CFAP299: variants seen among roughly 807,000 people sequenced by gnomAD.
CFAP299 encodes cilia and flagella associated protein 299.
Under a neutral mutation model 27.0 loss-of-function variants are expected in CFAP299, and 21 were observed. The observed-to-expected ratio is 0.78, with a 90% CI of 0.55 to 1.12. CFAP299 has a LOEUF of 1.12. Ranked by LOEUF, CFAP299 falls within the 50% of genes most tolerant of loss-of-function variation. The pLI is 0.00. For missense variants in CFAP299, 310 were observed against 276.6 expected (o/e 1.12, Z -0.86); for synonymous variants, 104 against 98.1 (o/e 1.06, Z -0.36).
intron 3 of CFAP299, among the ~76,000 whole-genome samples, chr4:80,596,513 A>G (rs1023582970): frequency 6.6e-6 from 1 of 151,828 alleles, no homozygotes; most frequent in Admixed American, 6.6e-5. Context: ...AATTTCTTTA[A>G]TCACTCTTTA....
chr4:80,871,678 C>CTA, intron 4 of CFAP299: 2 of 967,386 alleles, frequency 2.1e-6, no homozygotes, highest in Non-Finnish European at 2.5e-6. Context: ...ATTCTATTAT[C>CTA]TTAGCAGCTT....
chr4:80,737,844 T>C (rs1724002572), intron 3 of CFAP299, among the ~76,000 whole-genome samples: 3 of 152,250 alleles, frequency 2.0e-5, no homozygotes, highest in African/African-American at 7.2e-5. Flanking sequence ...ATGTTTCTTC[T>C]TTTTAAAAGT....
At chr4:80,750,114 TGTA>T (rs1382639162) in intron 3 of CFAP299, among the ~76,000 whole-genome samples, 3 of 152,204 alleles carry the variant, frequency 2.0e-5, no homozygotes. Context: ...TGATTTTTAA[TGTA>T]GTATAGTTTA....
At chr4:80,420,725 CT>C in intron 2 of CFAP299, among the ~76,000 whole-genome samples, 1 of 152,244 alleles carries the variant, frequency 6.6e-6, no homozygotes, top group Non-Finnish European at 1.5e-5. Flanking sequence ...TGTCTGTTCA[CT>C]TTATTAATTG....
intron 4 of CFAP299, among the ~76,000 whole-genome samples, chr4:80,916,074 C>T (rs1006928766): frequency 6.6e-6 from 1 of 150,818 alleles, no homozygotes; most frequent in East Asian, 2.0e-4. Flanking sequence ...CCAGCCTGGA[C>T]AACATGGTGA....
At chr4:80,458,142 AAC>A (rs1373791863) in intron 2 of CFAP299, among the ~76,000 whole-genome samples, 1 of 152,218 alleles carries the variant, frequency 6.6e-6, no homozygotes, top group East Asian at 1.9e-4. Context: ...AAAATGGAAA[AAC>A]AATAGCTCTT....
chr4:80,942,337 G>C (rs577596108), intron 4 of CFAP299, among the ~76,000 whole-genome samples: 2 of 152,248 alleles, frequency 1.3e-5, no homozygotes, highest in East Asian at 3.9e-4. Context: ...TGGAATCCAA[G>C]TGGTCATTTT....
intron 2 of CFAP299, among the ~76,000 whole-genome samples, chr4:80,424,749 G>A (rs1014395685): frequency 6.6e-6 from 1 of 152,132 alleles, no homozygotes; most frequent in African/African-American, 2.4e-5. Context: ...ACATTAGGAG[G>A]AATCTTCACA....
At chr4:80,690,542 C>T (rs551136967) in intron 3 of CFAP299, among the ~76,000 whole-genome samples, 26 of 151,722 alleles carry the variant, frequency 1.7e-4, no homozygotes, top group Non-Finnish European at 3.5e-4. Context: ...GCATTCAAAG[C>T]AGTGTGTAGA....
At chr4:80,651,306 T>C (rs1740271874) in intron 3 of CFAP299, among the ~76,000 whole-genome samples, 1 of 151,326 alleles carries the variant, frequency 6.6e-6, no homozygotes, top group South Asian at 2.1e-4. Flanking sequence ...TCTCTCTTTC[T>C]TTCTTTCTTC....
At chr4:80,498,589 A>T (rs1424894310) in intron 2 of CFAP299, among the ~76,000 whole-genome samples, 1 of 152,236 alleles carries the variant, frequency 6.6e-6, no homozygotes, top group South Asian at 2.1e-4. Context: ...AGTAAAAAAA[A>T]AAATCAGATG....
Position 80,404,729 on chromosome 4 carries a change from A to G in CFAP299, c.242+41845A>G, listed in dbSNP as rs1726328506. Among the ~76,000 whole-genome samples, 3 of 152,210 alleles carry G rather than the reference A, an allele frequency of 2.0e-5. No individual in the cohort carries two copies. In the South Asian group the frequency reaches 6.2e-4, roughly 31 times the overall value. ...TTCTATCTTTTGGCCTTTGTGAATGATGCTACTGTGGACATAGATGTACAA... is the reference window on the plus strand; with the variant it reads ...TTCTATCTTTTGGCCTTTGTGAATGGTGCTACTGTGGACATAGATGTACAA... On this transcript the variant is annotated intron_variant, in intron 2 of 5. Coordinates refer to ENST00000358105, the MANE Select transcript of CFAP299 (RefSeq NM_152770.3).
intron 2 of CFAP299, among the ~76,000 whole-genome samples, chr4:80,530,183 C>T (rs1733399477): frequency 1.3e-5 from 2 of 152,104 alleles, no homozygotes; most frequent in South Asian, 4.1e-4. Context: ...ACTAACAGCA[C>T]AGAAATATTG....
At chr4:80,734,082 C>T (rs1723706124) in intron 3 of CFAP299, among the ~76,000 whole-genome samples, 1 of 152,062 alleles carries the variant, frequency 6.6e-6, no homozygotes, top group Non-Finnish European at 1.5e-5. Flanking sequence ...ATATTCCCAC[C>T]AACAGTGGAT....
At chr4:80,850,921 A>T (rs1208340031) in intron 3 of CFAP299, among the ~76,000 whole-genome samples, 2 of 152,152 alleles carry the variant, frequency 1.3e-5, no homozygotes, top group African/African-American at 4.8e-5. Flanking sequence ...GATTAATTAG[A>T]TGTGGGAAGT....
intron 3 of CFAP299, among the ~76,000 whole-genome samples, chr4:80,799,361 A>C (rs1252373660): frequency 2.0e-5 from 2 of 99,250 alleles, no homozygotes; most frequent in South Asian, 3.0e-4. Context: ...GTATTTATAT[A>C]ATATTTATAT....
chr4:80,732,676 C>T (rs1025753408), intron 3 of CFAP299, among the ~76,000 whole-genome samples: 2 of 152,108 alleles, frequency 1.3e-5, no homozygotes, highest in Admixed American at 1.3e-4. Context: ...TTCCTGGGTC[C>T]TCCACACTAA....
intron 2 of CFAP299, among the ~76,000 whole-genome samples, chr4:80,501,378 T>C (rs1305005950): frequency 6.7e-6 from 1 of 149,318 alleles, no homozygotes; most frequent in Non-Finnish European, 1.5e-5. Context: ...TATAAATACA[T>C]GTAATTCTAT....
chr4:80,799,480 T>G (rs1295949983), intron 3 of CFAP299, among the ~76,000 whole-genome samples: 1 of 88,782 alleles, frequency 1.1e-5, no homozygotes, highest in African/African-American at 4.7e-5. Context: ...AATATATATT[T>G]ATTAAATATA....
Sources: allele counts gnomAD v4.1 joint callset (sites outside exome capture counted in the v4.1 genomes callset), GRCh38; gene constraint gnomAD v4.1.1; transcripts MANE v1.5; gene names NCBI Gene and HGNC (gene_info 2026-07-23, HGNC 2026-07-21).